CNBD1: variants seen among roughly 807,000 people sequenced by gnomAD.
CNBD1 encodes the protein cyclic nucleotide-binding domain-containing protein 1.
In CNBD1, 71 loss-of-function variants were observed where a neutral mutation model predicts 54.4. That is an observed-to-expected ratio of 1.30 (90% CI 1.08 to 1.59). The LOEUF (loss-of-function observed/expected upper bound fraction) is 1.59, where lower values mean the gene tolerates loss of function less well. CNBD1 is among the 40% of genes most tolerant of loss of function. CNBD1 has a pLI of 0.00. For synonymous variants in CNBD1, 182 were observed against 170.7 expected, an observed-to-expected ratio of 1.07 and a Z score of -0.51; for missense variants, 659 against 518.0, an observed-to-expected ratio of 1.27 and a Z score of -2.64.
chr8:87,318,478 C>G (rs1056358225), intron 8 of CNBD1, among the ~76,000 whole-genome samples: 2 of 151,982 alleles, frequency 1.3e-5, no homozygotes, highest in African/African-American at 4.8e-5. Flanking sequence ...ATACTCTGTC[C>G]AATACACCAT....
At chr8:87,135,829 TTAAAAGTTA>T (rs1388787638) in intron 4 of CNBD1, among the ~76,000 whole-genome samples, 1 of 151,802 alleles carries the variant, frequency 6.6e-6, no homozygotes, top group Non-Finnish European at 1.5e-5. Flanking sequence ...AACCTTTCAG[TTAAAAGTTA>T]TATAATCTTA....
intron 6 of CNBD1, among the ~76,000 whole-genome samples, chr8:87,274,210 G>A (rs1402154775): frequency 1.3e-5 from 2 of 150,988 alleles, no homozygotes; most frequent in Non-Finnish European, 2.9e-5. Flanking sequence ...TTGCTATCGT[G>A]AATGGTGCCG....
chr8:87,372,413 T>C (rs537067927), intron 10 of CNBD1, among the ~76,000 whole-genome samples: 20 of 152,094 alleles, frequency 1.3e-4, no homozygotes, highest in African/African-American at 3.4e-4. Context: ...TTTTCTGTCA[T>C]TATTTCTGGT....
chr8:86,924,341 T>C (rs1371849989), intron 3 of CNBD1, among the ~76,000 whole-genome samples: 1 of 152,122 alleles, frequency 6.6e-6, no homozygotes, highest in Non-Finnish European at 1.5e-5. Flanking sequence ...CAAGGCAAAT[T>C]GTCTACAGAA....
chr8:86,985,326 T>G (rs1227406000), intron 4 of CNBD1, among the ~76,000 whole-genome samples: 2 of 152,166 alleles, frequency 1.3e-5, no homozygotes, highest in Admixed American at 6.5e-5. Flanking sequence ...TTTGGGTTAT[T>G]GATCTCATTA....
intron 8 of CNBD1, among the ~76,000 whole-genome samples, chr8:87,336,084 T>C (rs1322056950): frequency 6.6e-6 from 1 of 152,202 alleles, no homozygotes; most frequent in East Asian, 1.9e-4. Flanking sequence ...CTGATAGCCT[T>C]CCCTTTGTAG....
Position 86,955,022 on chromosome 8 carries a change from C to A in CNBD1, c.431+15268C>A, listed in dbSNP as rs561027674. ...TGACAGGCCCCAGTGTGTGATGTTC[C>A]CCACCCTGTGTCCAAGTGTTCTCAT... On this transcript the variant is annotated intron_variant, in intron 4 of 10. Transcript: ENST00000518476. 1.0e-4 allele frequency among the ~76,000 whole-genome samples: 15 copies of A among 147,490 alleles called. 1 individual carries two copies. In the South Asian group the frequency reaches 2.4e-3, roughly 24 times the overall value.
chr8:87,387,320 A>C (rs1811209676), downstream of CNBD1, among the ~76,000 whole-genome samples: 1 of 152,096 alleles, frequency 6.6e-6, no homozygotes, highest in African/African-American at 2.4e-5. Flanking sequence ...CAAATTGGAT[A>C]AAGAGCCAAG....
chr8:87,255,248 A>C (rs898314111), intron 6 of CNBD1, among the ~76,000 whole-genome samples: 2 of 152,150 alleles, frequency 1.3e-5, no homozygotes, highest in Admixed American at 1.3e-4. Context: ...ATTGGTGTTC[A>C]GGGAAGGGAG....
chr8:87,238,154 G>A (rs1278890757), intron 6 of CNBD1, among the ~76,000 whole-genome samples: 1 of 149,210 alleles, frequency 6.7e-6, no homozygotes, highest in Non-Finnish European at 1.5e-5. Flanking sequence ...GTCTTTAGGA[G>A]CAGTACTAAT....
intron 4 of CNBD1, among the ~76,000 whole-genome samples, chr8:86,983,040 T>A (rs1274796244): frequency 2.0e-5 from 3 of 152,230 alleles, no homozygotes; most frequent in Non-Finnish European, 2.9e-5. Flanking sequence ...GTTTGTTACA[T>A]GGGCATATTG....
intron 4 of CNBD1, among the ~76,000 whole-genome samples, chr8:86,944,319 G>A (rs1430875571): frequency 6.6e-6 from 1 of 152,114 alleles, no homozygotes; most frequent in Non-Finnish European, 1.5e-5. Flanking sequence ...TTGGGACTGT[G>A]GGAACACACA....
intron 4 of CNBD1, among the ~76,000 whole-genome samples, chr8:87,155,219 AT>A (rs888097750): frequency 6.6e-6 from 1 of 152,120 alleles, no homozygotes; most frequent in African/African-American, 2.4e-5. Flanking sequence ...TCTCTTCAAC[AT>A]TTTTTATAGG....
intron 2 of CNBD1, among the ~76,000 whole-genome samples, chr8:87,404,624 C>A (rs559213687): frequency 1.3e-5 from 2 of 152,066 alleles, no homozygotes; most frequent in African/African-American, 4.8e-5. Context: ...TCGTTTATGT[C>A]CTGTTTGGAA....
chr8:86,986,311 CTTT>C (rs1808606195), intron 4 of CNBD1, among the ~76,000 whole-genome samples: 1 of 152,200 alleles, frequency 6.6e-6, no homozygotes, highest in Admixed American at 6.5e-5. Flanking sequence ...TGTATGTCTT[CTTT>C]TAAGAAGTAT....
intron 8 of CNBD1, among the ~76,000 whole-genome samples, chr8:87,344,746 G>T (rs1424155725): frequency 6.6e-6 from 1 of 152,148 alleles, no homozygotes; most frequent in Non-Finnish European, 1.5e-5. Flanking sequence ...GTACAAGTGA[G>T]TGAATGCGTT....
At chr8:87,337,128 C>G (rs1809959181) in intron 8 of CNBD1, among the ~76,000 whole-genome samples, 1 of 152,094 alleles carries the variant, frequency 6.6e-6, no homozygotes, top group South Asian at 2.1e-4. Context: ...AGTAGGAATG[C>G]TTCTGTATAG....
intron 5 of CNBD1, among the ~76,000 whole-genome samples, chr8:87,222,266 A>C (rs894285943): frequency 6.6e-6 from 1 of 152,176 alleles, no homozygotes; most frequent in Non-Finnish European, 1.5e-5. Context: ...TTTGGAGAGA[A>C]ATACTGTAGG....
At chr8:86,983,216 T>G (rs1808527098) in intron 4 of CNBD1, among the ~76,000 whole-genome samples, 1 of 152,126 alleles carries the variant, frequency 6.6e-6, no homozygotes, top group Non-Finnish European at 1.5e-5. Context: ...CTGATGGTTT[T>G]AAAAAGGGGA....
Sources: gnomAD v4.1 joint callset for allele counts (sites outside exome capture counted in the v4.1 genomes callset) on GRCh38, gnomAD v4.1.1 for gene constraint, MANE v1.5 for transcripts, NCBI Gene and HGNC (gene_info 2026-07-23, HGNC 2026-07-21) for gene names.